Variants in PIEZO2 observed in about 807,000 individuals in gnomAD.
PIEZO2 encodes the protein piezo-type mechanosensitive ion channel component 2.
Under a neutral mutation model 337.3 loss-of-function variants are expected in PIEZO2, and 172 were observed. The ratio of observed to expected loss-of-function variants is 0.51; its 90% confidence interval spans 0.45 to 0.58. The LOEUF (loss-of-function observed/expected upper bound fraction) is 0.58, where lower values mean the gene tolerates loss of function less well. Among genes scored for constraint, PIEZO2 ranks in the 20% least tolerant of loss-of-function variants. The probability of loss-of-function intolerance (pLI) is 0.00; values close to 1 mark genes in which losing one functional copy is unlikely to be tolerated. For missense variants in PIEZO2, 3,028 were observed against 3,391.3 expected (o/e 0.89, Z 2.66); for synonymous variants, 1,251 against 1,228.5 (o/e 1.02, Z -0.38).
At chr18:10,688,840 T>C (rs1045894220) in intron 49 of PIEZO2, among the ~76,000 whole-genome samples, 3 of 152,164 alleles carry the variant, frequency 2.0e-5, no homozygotes, top group South Asian at 4.1e-4. Flanking sequence ...GAGGCTCTCA[T>C]ATTCTGGCAT....
At chr18:11,084,153 G>A (rs961329818) in intron 1 of PIEZO2, among the ~76,000 whole-genome samples, 2 of 140,208 alleles carry the variant, frequency 1.4e-5, no homozygotes, top group Non-Finnish European at 3.0e-5. Context: ...CTCCAGCCTG[G>A]GCAAAAGAGT....
chr18:11,009,235 T>A lies in PIEZO2; in HGVS notation c.161-29575A>T, dbSNP rs1003120302. On this transcript the variant is annotated intron_variant, in intron 2 of 55. Transcript: ENST00000674853. This position sits in a 1 kb window ranked among gnomAD's most constrained non-coding sequence, Gnocchi z 4.6. ...AGGACTCTTATTAAATAATTTTCAA[T>A]GAATTGCTGAGTCTCTGAAGAGTGC... Among the ~76,000 whole-genome samples, 8 of 152,236 alleles carry A rather than the reference T, an allele frequency of 5.3e-5. No individual in the cohort carries two copies. Among genetic ancestry groups the A allele is most frequent in the Non-Finnish European group, 7.3e-5 (5 of 68,040 alleles).
At chr18:10,723,220 G>C (rs1175509515) in intron 36 of PIEZO2, among the ~76,000 whole-genome samples, 1 of 152,066 alleles carries the variant, frequency 6.6e-6, no homozygotes, top group Non-Finnish European at 1.5e-5. Context: ...GCCCACCTTA[G>C]CCTCCCAAAG....
Position 10,677,717 on chromosome 18 carries a change from A to C in PIEZO2, c.8081+30T>G, listed in dbSNP as rs1318846023. The stretch of plus-strand genomic sequence containing the variant: ...TGTACCAGCTGCATATACCTAACAA[A>C]GCTCTATTAGTAGGAAAAAATACAC... On this transcript the variant is annotated intron_variant, in intron 53 of 55. Transcript: ENST00000674853. The surrounding 1 kb of genome is among the most constrained non-coding windows in gnomAD (Gnocchi z 4.1). 1 of 1,599,610 alleles carries C rather than the reference A, an allele frequency of 6.3e-7. No individual in the cohort carries two copies. Among genetic ancestry groups the C allele is most frequent in the South Asian group, 1.2e-5 (1 of 86,770 alleles).
rs2033729152 is a variant in PIEZO2 at position 10,670,622 on chromosome 18, A to G, written c.*905T>C. Reference sequence around the variant, plus strand: ...ACTGGAAAAACCATTGCCTTAAATCATGGAAATGGGAAAAAGCACGTTAAG... The same window carrying G: ...ACTGGAAAAACCATTGCCTTAAATCGTGGAAATGGGAAAAAGCACGTTAAG... On this transcript the variant is annotated 3_prime_UTR_variant, in exon 56 of 56. Transcript: ENST00000674853. The G allele has an allele frequency of 6.6e-6, 1 of 152,272 alleles. No individual in the cohort carries two copies. The highest frequency in any genetic ancestry group is 1.5e-5 in the Non-Finnish European group (1 of 68,030). The allele number at this position is 152,272 out of a possible 1,614,324, so 9.4% of individuals were successfully genotyped here. A position where few individuals can be genotyped will look rare whatever the true frequency, so the allele number is the denominator to read the frequency against.
intron 3 of PIEZO2, among the ~76,000 whole-genome samples, chr18:10,912,728 C>A (rs2145083018): frequency 6.6e-6 from 1 of 152,314 alleles, no homozygotes. Flanking sequence ...ATTCTCTGGA[C>A]TTCTCTAAGG....
chr18:11,046,400 G>C (rs1319057759), intron 2 of PIEZO2, among the ~76,000 whole-genome samples: 2 of 152,196 alleles, frequency 1.3e-5, no homozygotes, highest in Non-Finnish European at 2.9e-5. Flanking sequence ...CCTTGATCAT[G>C]GCCTTCTAAT....
At position 10,979,700 on chromosome 18, in the gene PIEZO2, G is replaced by T. The variant is rs945721021; in HGVS notation, c.161-40C>A. 157 of 1,496,216 alleles carry T rather than the reference G, an allele frequency of 1.0e-4. No individual in the cohort carries two copies. Among genetic ancestry groups the T allele is most frequent in the Non-Finnish European group, 1.4e-4 (153 of 1,120,238 alleles). 92.7% of individuals were successfully genotyped at this position (1,496,216 alleles called of 1,614,324 possible). The stretch of plus-strand genomic sequence containing the variant: ...GTGCAGAGATTGTGAGAGAGCTTAA[G>T]ATGAAACACACTGGTGCTGTCTCTT... On this transcript the variant is annotated intron_variant, in intron 2 of 55. Coordinates refer to ENST00000674853, the MANE Select transcript of PIEZO2 (RefSeq NM_001378183.1). The surrounding 1 kb of genome is among the most constrained non-coding windows in gnomAD (Gnocchi z 4.0).
intron 7 of PIEZO2, among the ~76,000 whole-genome samples, chr18:10,822,254 A>G (rs950599948): frequency 3.9e-5 from 6 of 152,228 alleles, no homozygotes; most frequent in Non-Finnish European, 7.3e-5. Context: ...TTAGAGTATT[A>G]AGTCAGAATA....
chr18:10,727,961 AAAAAAAG>A lies in PIEZO2; in HGVS notation c.5029+3439_5029+3445del, dbSNP rs1303186800. On this transcript the variant is annotated intron_variant, in intron 36 of 55. Transcript: ENST00000674853. The surrounding 1 kb of genome is among the most constrained non-coding windows in gnomAD (Gnocchi z 6.3). ...ACAATTAAAACAGTAATAACAAAAA[AAAAAAAG>A]AAAAAAGAAAAAAAGGGATAAGAAG... 3.9e-5 allele frequency: 6 copies of A among 152,030 alleles called. No homozygotes were observed. The highest frequency in any genetic ancestry group is 7.3e-5 in the African/African-American group (3 of 41,246). The allele number at this position is 152,030 out of a possible 1,614,324, so 9.4% of individuals were successfully genotyped here. A position where few individuals can be genotyped will look rare whatever the true frequency, so the allele number is the denominator to read the frequency against.
chr18:10,718,369 T>C lies in PIEZO2; in HGVS notation c.5030-110A>G, dbSNP rs549025453. The C allele has an allele frequency of 8.0e-6, 7 of 876,672 alleles. No individual in the cohort carries two copies. The East Asian group carries it at 1.9e-4, about 23-fold the overall frequency. 54.3% of individuals were successfully genotyped at this position (876,672 alleles called of 1,614,324 possible). On this transcript the variant is annotated intron_variant, in intron 36 of 55. Coordinates refer to ENST00000674853, the MANE Select transcript of PIEZO2 (RefSeq NM_001378183.1). ...TTTTGTAATTAACTCTAGGACATTC[T>C]ATTTCAAGAGTTCCTTGGGGAAAGG...
At chr18:11,054,212 A>G (rs2037636845) in intron 2 of PIEZO2, among the ~76,000 whole-genome samples, 1 of 152,186 alleles carries the variant, frequency 6.6e-6, no homozygotes, top group South Asian at 2.1e-4. Flanking sequence ...TACTTAAATA[A>G]AATGCCCATC....
At chr18:10,964,110 T>C (rs2033901153) in intron 3 of PIEZO2, among the ~76,000 whole-genome samples, 1 of 152,118 alleles carries the variant, frequency 6.6e-6, no homozygotes, top group Admixed American at 6.6e-5. Flanking sequence ...AAAACAGCCA[T>C]TTGGGGAAAA....
In PIEZO2 at chr18:10,704,406, G is replaced by C; in HGVS notation, c.6246C>G (p.Ile2082Met). The C allele has an allele frequency of 6.5e-7, 1 of 1,537,172 alleles. No homozygotes were observed. Among genetic ancestry groups the C allele is most frequent in the Middle Eastern group, 1.7e-4 (1 of 5,962 alleles). ...CGTCCAGGCCTACCTCAGTATAGAC[G>C]ATGGCCATCATCCAGAACCGGCGGC... is the stretch of plus-strand genomic sequence containing the variant. The part of the protein sequence containing the change: ...RPSRRFWMMA[I>M]VYTEVAIVVK... Residue 2082 changes from isoleucine to methionine, a missense_variant, in exon 42 of 56, where the codon ATC becomes ATG. Ile to Met is a conservative substitution (Grantham distance 10). Transcript: ENST00000674853.
chr18:10,710,888 G>C (rs1340889744), intron 39 of PIEZO2, among the ~76,000 whole-genome samples: 1 of 152,172 alleles, frequency 6.6e-6, no homozygotes, highest in Admixed American at 6.5e-5. Context: ...TGCAGAAAAG[G>C]GCAAGTGAGG....
In PIEZO2 at chr18:10,969,982, T is replaced by C. The variant is rs1184411395; in HGVS notation, c.286+9553A>G. ...GCAGTATGCTATACATCAGCCACTGTGGTCAGTGCTCAGGTTACAAAAAAA... is the reference window on the plus strand; with the variant it reads ...GCAGTATGCTATACATCAGCCACTGCGGTCAGTGCTCAGGTTACAAAAAAA... On this transcript the variant is annotated intron_variant, in intron 3 of 55. Transcript: ENST00000674853. This position sits in a 1 kb window ranked among gnomAD's most constrained non-coding sequence, Gnocchi z 4.5. Among the ~76,000 whole-genome samples the C allele has an allele frequency of 6.6e-6, 1 of 150,926 alleles. No homozygotes were observed. Among genetic ancestry groups the C allele is most frequent in the East Asian group, 1.9e-4 (1 of 5,158 alleles).
At chr18:10,798,492 A>G (rs2039690460) in intron 11 of PIEZO2, among the ~76,000 whole-genome samples, 1 of 152,246 alleles carries the variant, frequency 6.6e-6, no homozygotes, top group Admixed American at 6.5e-5. Flanking sequence ...TTATACAAAA[A>G]GTCCCTGGGA....
At chr18:10,912,947 T>C (rs2030607722) in intron 3 of PIEZO2, among the ~76,000 whole-genome samples, 2 of 152,030 alleles carry the variant, frequency 1.3e-5, no homozygotes, top group African/African-American at 4.8e-5. Flanking sequence ...AATTCCAATA[T>C]GTTTTGCTGA....
chr18:10,912,885 T>C (rs1326419637), intron 3 of PIEZO2, among the ~76,000 whole-genome samples: 1 of 152,162 alleles, frequency 6.6e-6, no homozygotes, highest in Non-Finnish European at 1.5e-5. Flanking sequence ...ACAAACACAT[T>C]TAAAGCAGAT....
Sources: gnomAD v4.1 joint callset for allele counts (sites outside exome capture counted in the v4.1 genomes callset) on GRCh38, gnomAD v4.1.1 for gene constraint, Gnocchi (gnomAD v3.1) non-coding constraint, MANE v1.5 for transcripts, NCBI Gene and HGNC (gene_info 2026-07-23, HGNC 2026-07-21) for gene names.